The following KCTD17 variants were observed in gnomAD, a reference collection of about 807,000 sequenced individuals.
The protein encoded by KCTD17 is potassium channel tetramerization domain containing 17.
KCTD17 carries 20 observed loss-of-function variants against 41.5 expected under a neutral mutation model. The ratio of observed to expected loss-of-function variants is 0.48; its 90% CI spans 0.34 to 0.70. KCTD17 has a LOEUF of 0.70. Among genes scored for constraint, KCTD17 ranks in the 30% least tolerant of loss-of-function variants. The pLI is 0.01. For missense variants in KCTD17, 317 were observed against 427.2 expected (o/e 0.74, Z 2.27); for synonymous variants, 156 against 173.8 (o/e 0.90, Z 0.80).
In KCTD17 at chr22:37,056,418, A is replaced by T. The variant is rs1341943513; in HGVS notation, c.390+7A>T. 3.1e-6 allele frequency: 5 copies of T among 1,610,640 alleles called. No individual in the cohort carries two copies. Among genetic ancestry groups the T allele is most frequent in the Admixed American group, 1.7e-5 (1 of 59,846 alleles). Reference sequence around the variant, plus strand: ...GGACTACACGGTCACCCAGGTCGGGAGCAGGGGCAGCACACACGGCCAGGG... The same window carrying T: ...GGACTACACGGTCACCCAGGTCGGGTGCAGGGGCAGCACACACGGCCAGGG... On this transcript the variant is annotated splice_region_variant and intron_variant, in intron 3 of 8. Coordinates refer to ENST00000403888, the MANE Select transcript of KCTD17 (RefSeq NM_001282684.2).
intron 4 of KCTD17, among the ~76,000 whole-genome samples, chr22:37,058,182 C>G (rs1031036526): frequency 2.0e-5 from 3 of 152,176 alleles, no homozygotes; most frequent in Non-Finnish European, 4.4e-5. Flanking sequence ...AGGGGGTTGG[C>G]TAGCCTTTCT....
intron 4 of KCTD17, among the ~76,000 whole-genome samples, chr22:37,058,868 G>T (rs1568985292): frequency 6.6e-6 from 1 of 152,236 alleles, no homozygotes; most frequent in Non-Finnish European, 1.5e-5. Context: ...GCTTCCAGGA[G>T]TGAAGGGAAT....
rs200857047 is a variant in KCTD17, at chr22:37,061,496, C to T, written c.785-43C>T. ...GGCCCTGGCTGCAGGCCCTGCCCCC[C>T]CTCCTCTCCTCCCGGCCTCCTCCTC... On this transcript the variant is annotated intron_variant, in intron 7 of 8. Coordinates refer to ENST00000403888, the MANE Select transcript of KCTD17 (RefSeq NM_001282684.2). The surrounding 1 kb of genome is among the most constrained non-coding windows in gnomAD (Gnocchi z 6.6). 1.1e-5 allele frequency: 18 copies of T among 1,576,884 alleles called. No individual in the cohort carries two copies. The highest frequency in any genetic ancestry group is 1.7e-5 in the Admixed American group (1 of 57,350).
Position 37,062,549 on chromosome 22 carries a change from A to T in KCTD17, c.900A>T (p.Gly300=). 1 of 1,611,766 alleles carries T rather than the reference A, an allele frequency of 6.2e-7. No homozygotes were observed. The highest frequency in any genetic ancestry group is 8.5e-7 in the Non-Finnish European group (1 of 1,179,448). The change falls in exon 9 of 9, where the codon GGA becomes GGT. Residue 300 remains glycine, a synonymous_variant. Transcript: ENST00000403888. ...GCTGTTACAAGCCAGAGGCACCCGG[A>T]TGTGAGGCCCCAGATCACCTCCAGG... ...HPCCYKPEAP[G]CEAPDHLQGL...
intron 5 of KCTD17, among the ~76,000 whole-genome samples, chr22:37,060,251 GTCTA>G (rs1178934469): frequency 6.6e-6 from 1 of 152,200 alleles, no homozygotes; most frequent in African/African-American, 2.4e-5. Flanking sequence ...CTGGCTTCCT[GTCTA>G]TCTGTCTGCC....
intron 4 of KCTD17, 92 bp downstream of exon 4, chr22:37,057,585 T>C: frequency 1.0e-6 from 1 of 1,003,822 alleles, no homozygotes; most frequent in Non-Finnish European, 1.5e-6. Context: ...AGCCCCAGCC[T>C]TGGGTTCCCC....
Position 37,057,260 on chromosome 22 carries a change from C to T in KCTD17, c.391-138C>T, listed in dbSNP as rs1455899786. 8 of 725,202 alleles carry T rather than the reference C, an allele frequency of 1.1e-5. 1 individual carries two copies. Among genetic ancestry groups the T allele is most frequent in the Admixed American group, 4.0e-5 (2 of 49,520 alleles). 44.9% of individuals were successfully genotyped at this position (725,202 alleles called of 1,614,324 possible). On this transcript the variant is annotated intron_variant, in intron 3 of 8. Coordinates refer to ENST00000403888, the MANE Select transcript of KCTD17 (RefSeq NM_001282684.2). Reference sequence around the variant, plus strand: ...GCAGGTGCTCAGAGCATGGCTGCCTCCCCCCAACCACCTCTTCTTTCTCTC... The same window carrying T: ...GCAGGTGCTCAGAGCATGGCTGCCTTCCCCCAACCACCTCTTCTTTCTCTC...
At chr22:37,052,546 T>A (rs572353542) in intron 1 of KCTD17, 1 of 469,860 alleles carries the variant, frequency 2.1e-6, no homozygotes, top group South Asian at 1.5e-5. Flanking sequence ...GAAGATGACC[T>A]CTAAGGTCTC....
rs1422107355 is a variant in KCTD17 at position 37,061,048 on chromosome 22, C to T, written c.713-56C>T. ...GGGGGGGCACCAGGGTTAGCTCAGC[C>T]ACTTGCCTGGCGCCTCACCCGCATA... On this transcript the variant is annotated intron_variant, in intron 6 of 8. Coordinates refer to ENST00000403888, the MANE Select transcript of KCTD17 (RefSeq NM_001282684.2). The surrounding 1 kb of genome is among the most constrained non-coding windows in gnomAD (Gnocchi z 6.6). 1.3e-5 allele frequency: 20 copies of T among 1,551,126 alleles called. No homozygotes were observed. The Admixed American group carries it at 3.7e-4, about 29-fold the overall frequency.
In KCTD17 at chr22:37,062,822, G is replaced by A. The variant is rs1601503767; in HGVS notation, c.*228G>A. The A allele has an allele frequency of 1.0e-6, 1 of 956,826 alleles. No homozygotes were observed. Among genetic ancestry groups the A allele is most frequent in the East Asian group, 2.8e-5 (1 of 36,220 alleles). The allele number at this position is 956,826 out of a possible 1,614,324, so 59.3% of individuals were successfully genotyped here. Reference sequence around the variant, plus strand: ...GGCAATGTCTGGCTGTGTCTCTCCGGCACCTGCGTCCCCTCTCCCGGGCTC... The same window carrying A: ...GGCAATGTCTGGCTGTGTCTCTCCGACACCTGCGTCCCCTCTCCCGGGCTC... On this transcript the variant is annotated 3_prime_UTR_variant, in exon 9 of 9. Coordinates refer to ENST00000403888, the MANE Select transcript of KCTD17 (RefSeq NM_001282684.2).
rs1924708307 is a variant in KCTD17, at chr22:37,053,259, C to T, written c.298+51C>T. On this transcript the variant is annotated intron_variant, in intron 2 of 8. Transcript: ENST00000403888. The surrounding 1 kb of genome is among the most constrained non-coding windows in gnomAD (Gnocchi z 4.1). ...GGACCTTATGCAGCCTGCCAGGGCC[C>T]TCTGTGGAGGCCCCAAGCCATTTGG... 5.1e-6 allele frequency: 7 copies of T among 1,381,142 alleles called. No homozygotes were observed. Among genetic ancestry groups the T allele is most frequent in the Admixed American group, 2.0e-5 (1 of 50,920 alleles). 85.6% of individuals were successfully genotyped at this position (1,381,142 alleles called of 1,614,324 possible).
In KCTD17 at chr22:37,061,349, A is replaced by G. The variant is rs1010240786; in HGVS notation, c.784+174A>G. On this transcript the variant is annotated intron_variant, in intron 7 of 8. Coordinates refer to ENST00000403888, the MANE Select transcript of KCTD17 (RefSeq NM_001282684.2). This position sits in a 1 kb window ranked among gnomAD's most constrained non-coding sequence, Gnocchi z 6.6. ...CCCAGGCCCCCTGGCCCTGCATCCC[A>G]GAGCGTCCTGCCTGCCGCCTCCTGC... 2.7e-6 allele frequency: 4 copies of G among 1,480,704 alleles called. No individual in the cohort carries two copies. Among genetic ancestry groups the G allele is most frequent in the Non-Finnish European group, 3.6e-6 (4 of 1,117,644 alleles). 91.7% of individuals were successfully genotyped at this position (1,480,704 alleles called of 1,614,324 possible).
Position 37,061,029 on chromosome 22 carries a change from G to T in KCTD17, c.713-75G>T. On this transcript the variant is annotated intron_variant, in intron 6 of 8. Coordinates refer to ENST00000403888, the MANE Select transcript of KCTD17 (RefSeq NM_001282684.2). This position sits in a 1 kb window ranked among gnomAD's most constrained non-coding sequence, Gnocchi z 6.6. ...CGGGGGCCCCGGGGCTGCTGGGGGGGCACCAGGGTTAGCTCAGCCACTTGC... is the reference window on the plus strand; with the variant it reads ...CGGGGGCCCCGGGGCTGCTGGGGGGTCACCAGGGTTAGCTCAGCCACTTGC... 1 of 1,549,694 alleles carries T rather than the reference G, an allele frequency of 6.5e-7. No individual in the cohort carries two copies. The highest frequency in any genetic ancestry group is 8.7e-7 in the Non-Finnish European group (1 of 1,145,550).
chr22:37,057,917 T>G (rs1310889893), intron 4 of KCTD17, among the ~76,000 whole-genome samples: 3 of 152,116 alleles, frequency 2.0e-5, no homozygotes, highest in Non-Finnish European at 4.4e-5. Flanking sequence ...CCTGACACAG[T>G]TTTCAGGGTC....
intron 1 of KCTD17, chr22:37,052,274 G>A (rs193284428): frequency 5.3e-4 from 210 of 394,004 alleles, no homozygotes; most frequent in African/African-American, 3.9e-3. Context: ...GGGGACTCCT[G>A]CTCTGGGGAA....
chr22:37,056,667 C>T (rs1424974267), intron 3 of KCTD17, among the ~76,000 whole-genome samples: 1 of 152,180 alleles, frequency 6.6e-6, no homozygotes, highest in African/African-American at 2.4e-5. Flanking sequence ...CTCGCCCTCT[C>T]CGGACCTTGA....
rs893605961 is a variant in KCTD17, at chr22:37,061,123, C to T, written c.732C>T (p.Pro244=). 6 of 1,551,366 alleles carry T rather than the reference C, an allele frequency of 3.9e-6. No individual in the cohort carries two copies. Among genetic ancestry groups the T allele is most frequent in the South Asian group, 2.4e-5 (2 of 84,060 alleles). The change falls in exon 7 of 9, where the codon CCC becomes CCT. Residue 244 remains proline (P), a synonymous_variant. Coordinates refer to ENST00000403888, the MANE Select transcript of KCTD17 (RefSeq NM_001282684.2). This position sits in a 1 kb window ranked among gnomAD's most constrained non-coding sequence, Gnocchi z 6.6. ...AQEKAQSSQD[P]ANLFSLPPLP... ...TTGCAGCCCAGTCATCTCAGGATCC[C>T]GCTAACCTTTTCTCCCTCCCACCAC...
chr22:37,059,904 T>C (rs1207448808), intron 5 of KCTD17, among the ~76,000 whole-genome samples: 1 of 152,184 alleles, frequency 6.6e-6, no homozygotes, highest in Non-Finnish European at 1.5e-5. Context: ...CAGGTGCATG[T>C]CCCCAGCTGG....
At position 37,056,309 on chromosome 22, in the gene KCTD17, G is replaced by C. The variant is rs1255090640; in HGVS notation, c.299-11G>C. The stretch of plus-strand genomic sequence containing the variant: ...GAAGGAGTGACCTGGGATCTGTTCT[G>C]TCTGTGCCAGGGGTCCTGGAGGAAG... On this transcript the variant is annotated splice_polypyrimidine_tract_variant and intron_variant, in intron 2 of 8. Coordinates refer to ENST00000403888, the MANE Select transcript of KCTD17 (RefSeq NM_001282684.2). The C allele has an allele frequency of 1.2e-6, 2 of 1,611,726 alleles. No homozygotes were observed. The highest frequency in any genetic ancestry group is 1.3e-5 in the African/African-American group (1 of 74,908).
Sources: allele counts gnomAD v4.1 joint callset (sites outside exome capture counted in the v4.1 genomes callset), GRCh38; gene constraint gnomAD v4.1.1; non-coding constraint Gnocchi (gnomAD v3.1); transcripts MANE v1.5; gene names NCBI Gene and HGNC (gene_info 2026-07-23, HGNC 2026-07-21).